Variants in PLCG2 observed in about 807,000 individuals in gnomAD.
The protein encoded by PLCG2 is phospholipase C gamma 2, also known as 1-phosphatidylinositol 4,5-bisphosphate phosphodiesterase gamma-2.
PLCG2 carries 69 observed loss-of-function variants against 175.6 expected under a neutral mutation model. That is an observed-to-expected ratio of 0.39 (90% confidence interval 0.32 to 0.48). The LOEUF (loss-of-function observed/expected upper bound fraction) is 0.48, where lower values mean the gene tolerates loss of function less well. Among genes scored for constraint, PLCG2 ranks in the 20% least tolerant of loss-of-function variants. The probability of loss-of-function intolerance (pLI) is 0.91; values close to 1 mark genes in which losing one functional copy is unlikely to be tolerated. For synonymous variants in PLCG2, 827 were observed against 624.0 expected, an observed-to-expected ratio of 1.33 and a Z score of -4.85; for missense variants, 1,798 against 1,650.9, an observed-to-expected ratio of 1.09 and a Z score of -1.54.
intron 2 of PLCG2, among the ~76,000 whole-genome samples, chr16:81,847,763 C>T (rs535907332): frequency 6.6e-6 from 1 of 152,270 alleles, no homozygotes; most frequent in African/African-American, 2.4e-5. Context: ...ATAACATTTA[C>T]ATTGTATTAG....
Position 81,885,106 on chromosome 16 carries a change from A to G in PLCG2, c.765+1765A>G, listed in dbSNP as rs1276217647. ...TTGCTCTGTCACCAGGCTGGAGTAC[A>G]ATGGCTCTGTCCCATGTTCAAGTGA... On this transcript the variant is annotated intron_variant, in intron 9 of 32. Transcript: ENST00000564138. 2.6e-5 allele frequency among the ~76,000 whole-genome samples: 4 copies of G among 151,572 alleles called. No homozygotes were observed. The East Asian group carries it at 7.7e-4, about 29-fold the overall frequency.
chr16:81,880,850 C>T (rs1051381607), intron 7 of PLCG2, 60 bp from the exon 8 acceptor site: 19 of 1,505,016 alleles, frequency 1.3e-5, no homozygotes, highest in South Asian at 8.1e-5. Context: ...AAAATCTTTC[C>T]GTTTTTGCAT....
chr16:81,865,724 T>G (rs1907196180), intron 5 of PLCG2, among the ~76,000 whole-genome samples: 2 of 150,426 alleles, frequency 1.3e-5, no homozygotes, highest in African/African-American at 4.9e-5. Context: ...GGCCTCTCCC[T>G]TGCTCCCAGG....
At chr16:81,877,268 C>T (rs141764477) in intron 7 of PLCG2, among the ~76,000 whole-genome samples, 1 of 152,180 alleles carries the variant, frequency 6.6e-6, no homozygotes. Flanking sequence ...TCCTGGCTGA[C>T]ACGGTGAAAC....
At chr16:81,935,927 T>G in intron 26 of PLCG2, 1 of 984,992 alleles carries the variant, frequency 1.0e-6, no homozygotes, top group Non-Finnish European at 1.2e-6. Context: ...AAAAGTAAAT[T>G]ACAGTAATTC....
intron 2 of PLCG2, among the ~76,000 whole-genome samples, chr16:81,793,075 C>G (rs1228838373): frequency 6.6e-6 from 1 of 152,138 alleles, no homozygotes; most frequent in African/African-American, 2.4e-5. Context: ...AAAAAGGCCC[C>G]CTGGTGAGGA....
intron 1 of PLCG2, among the ~76,000 whole-genome samples, chr16:81,746,680 G>A (rs757147955): frequency 3.3e-5 from 5 of 152,158 alleles, no homozygotes; most frequent in Non-Finnish European, 5.9e-5. Context: ...TTTCTCCGTC[G>A]AACTTGAGTA....
intron 1 of PLCG2, 100 bp from the exon 2 acceptor site, chr16:81,785,843 A>T: frequency 2.8e-6 from 2 of 707,188 alleles, no homozygotes; most frequent in Non-Finnish European, 4.8e-6. Flanking sequence ...ACTCATCCTG[A>T]TTGACATGAG....
chr16:81,754,383 C>T (rs1909877904), intron 1 of PLCG2, among the ~76,000 whole-genome samples: 2 of 55,752 alleles, frequency 3.6e-5, no homozygotes, highest in Admixed American at 1.7e-4. Flanking sequence ...CCTCCCCACC[C>T]CTCCCCACCT....
intron 2 of PLCG2, among the ~76,000 whole-genome samples, chr16:81,769,359 G>C (rs907764516): frequency 6.6e-6 from 1 of 152,232 alleles, no homozygotes; most frequent in African/African-American, 2.4e-5. Context: ...GAGGGTGCAA[G>C]AGAATGATAG....
intron 31 of PLCG2, among the ~76,000 whole-genome samples, chr16:81,952,531 G>GA (rs1343712073): frequency 1.3e-5 from 2 of 152,224 alleles, no homozygotes; most frequent in South Asian, 2.1e-4. Context: ...AAGAAGTGCT[G>GA]AAAAAATGGT....
chr16:81,778,116 C>A (rs999815987), upstream of PLCG2, among the ~76,000 whole-genome samples: 1 of 151,676 alleles, frequency 6.6e-6, no homozygotes, highest in Non-Finnish European at 1.5e-5. Context: ...TGGCACATGC[C>A]TGTGATCCCA....
chr16:81,891,516 G>A lies in PLCG2; in HGVS notation c.912G>A (p.Glu304=). The A allele has an allele frequency of 6.2e-7, 1 of 1,612,362 alleles. No individual in the cohort carries two copies. The highest frequency in any genetic ancestry group is 8.5e-7 in the Non-Finnish European group (1 of 1,178,346). The change falls in exon 11 of 33, where the codon GAG becomes GAA. Residue 304 remains glutamate, a synonymous_variant. Coordinates refer to ENST00000564138, the MANE Select transcript of PLCG2 (RefSeq NM_002661.5). The stretch of plus-strand genomic sequence containing the variant: ...CACGAGAAAACAGCATCTGGGATGA[G>A]AAGTATGACGCGGTGGACATGCAGG... The part of the protein sequence containing the change: ...LFSRENSIWD[E]KYDAVDMQDM...
At chr16:81,843,505 C>T (rs574817052) in intron 2 of PLCG2, among the ~76,000 whole-genome samples, 2 of 152,318 alleles carry the variant, frequency 1.3e-5, no homozygotes, top group South Asian at 4.1e-4. Flanking sequence ...CAGCCAATTT[C>T]CTTAGTATCA....
At chr16:81,759,844 A>G (rs535691520) in intron 2 of PLCG2, among the ~76,000 whole-genome samples, 1 of 152,300 alleles carries the variant, frequency 6.6e-6, no homozygotes, top group African/African-American at 2.4e-5. Context: ...AATACAATGT[A>G]GGCCGGGCGT....
chr16:81,786,873 G>A (rs1910994555), intron 2 of PLCG2, among the ~76,000 whole-genome samples: 1 of 152,210 alleles, frequency 6.6e-6, no homozygotes, highest in African/African-American at 2.4e-5. Flanking sequence ...TGGGGGTTAA[G>A]GAGTCAACTC....
chr16:81,926,409 G>A (rs763775011), intron 22 of PLCG2, among the ~76,000 whole-genome samples: 4 of 152,220 alleles, frequency 2.6e-5, no homozygotes, highest in African/African-American at 4.8e-5. Context: ...CTTGCCGGGA[G>A]GAATCTTAGA....
chr16:81,820,910 C>G (rs1002623024), intron 2 of PLCG2, among the ~76,000 whole-genome samples: 3 of 151,632 alleles, frequency 2.0e-5, no homozygotes, highest in African/African-American at 7.3e-5. Flanking sequence ...TGCACACCAT[C>G]ATGCCTGGCT....
At chr16:81,771,233 T>C (rs1267996563) in intron 2 of PLCG2, among the ~76,000 whole-genome samples, 1 of 152,106 alleles carries the variant, frequency 6.6e-6, no homozygotes, top group African/African-American at 2.4e-5. Flanking sequence ...TATTCTGACT[T>C]CTTTTTGTGT....
Sources: gnomAD v4.1 joint callset for allele counts (sites outside exome capture counted in the v4.1 genomes callset) on GRCh38, gnomAD v4.1.1 for gene constraint, MANE v1.5 for transcripts, NCBI Gene and HGNC (gene_info 2026-07-23, HGNC 2026-07-21) for gene names.